AVL9: variants seen among roughly 807,000 people sequenced by gnomAD.
AVL9 encodes late secretory pathway protein AVL9 homolog.
A neutral mutation model predicts 79.2 loss-of-function variants in AVL9; 49 were observed. That is an observed-to-expected ratio of 0.62 (90% confidence interval 0.49 to 0.79). AVL9 has a LOEUF of 0.79. Among genes scored for constraint, AVL9 ranks in the 30% least tolerant of loss-of-function variants. The pLI is 0.00. For missense variants in AVL9, 682 were observed against 776.8 expected, an observed-to-expected ratio of 0.88 and a Z score of 1.45; for synonymous variants, 299 against 280.6, an observed-to-expected ratio of 1.07 and a Z score of -0.65.
chr7:32,574,304 G>A (rs1460004374), intron 12 of AVL9, among the ~76,000 whole-genome samples: 1 of 151,934 alleles, frequency 6.6e-6, no homozygotes, highest in Non-Finnish European at 1.5e-5. Flanking sequence ...TTTAAAGTAG[G>A]TTTCGGGAGA....
intron 1 of AVL9, among the ~76,000 whole-genome samples, chr7:32,530,614 A>G (rs144867942): frequency 2.4e-3 from 369 of 152,324 alleles, no homozygotes; most frequent in African/African-American, 8.2e-3. Flanking sequence ...ACATAATTCT[A>G]TCAACCTAAA....
At chr7:32,565,505 G>A (rs988796546) in intron 10 of AVL9, among the ~76,000 whole-genome samples, 14 of 150,454 alleles carry the variant, frequency 9.3e-5, no homozygotes, top group Non-Finnish European at 1.8e-4. Flanking sequence ...GTTGCGATGA[G>A]TGGAGATCGT....
chr7:32,548,933 A>G lies in AVL9; in HGVS notation c.372+15A>G. 2.0e-6 allele frequency: 3 copies of G among 1,532,188 alleles called. No homozygotes were observed. Among genetic ancestry groups the G allele is most frequent in the Non-Finnish European group, 2.6e-6 (3 of 1,138,480 alleles). The allele number at this position is 1,532,188 out of a possible 1,614,324, so 94.9% of individuals were successfully genotyped here. On this transcript the variant is annotated intron_variant, in intron 4 of 15. Transcript: ENST00000318709. ...TAAGCAAGCTGGTAAGAGACGAAGT[A>G]ACTTGTTCATTATGTTAAACCTTCA...
At chr7:32,576,502 A>G (rs889877240) in intron 13 of AVL9, among the ~76,000 whole-genome samples, 1 of 152,126 alleles carries the variant, frequency 6.6e-6, no homozygotes, top group Non-Finnish European at 1.5e-5. Flanking sequence ...ATTAAAGTTA[A>G]TATCTGAAGC....
chr7:32,498,495 C>T (rs1007249656), intron 1 of AVL9, among the ~76,000 whole-genome samples: 1 of 152,096 alleles, frequency 6.6e-6, no homozygotes, highest in Non-Finnish European at 1.5e-5. Flanking sequence ...AGTGATCCAC[C>T]CGCCTTGGCC....
intron 12 of AVL9, among the ~76,000 whole-genome samples, chr7:32,573,871 A>G (rs1353896469): frequency 1.3e-5 from 2 of 152,242 alleles, no homozygotes; most frequent in Non-Finnish European, 2.9e-5. Flanking sequence ...CGTGTTGTAA[A>G]TGATTAAATC....
At chr7:32,523,494 G>C (rs907353658) in intron 1 of AVL9, among the ~76,000 whole-genome samples, 45 of 137,732 alleles carry the variant, frequency 3.3e-4, no homozygotes, top group African/African-American at 1.2e-3. Context: ...CATGTTAATA[G>C]AATTATAAAT....
intron 13 of AVL9, 109 bp downstream of exon 13, chr7:32,576,181 C>A (rs1326220447): frequency 1.2e-5 from 9 of 740,226 alleles, no homozygotes; most frequent in East Asian, 2.7e-5. Flanking sequence ...CTCAAGAATC[C>A]CCTTAAGTAG....
chr7:32,531,988 T>C (rs1788679562), intron 1 of AVL9: 1 of 152,274 alleles, frequency 6.6e-6, no homozygotes, highest in African/African-American at 2.4e-5. Flanking sequence ...CCGCCTTTTG[T>C]ATCCACACTC....
At chr7:32,498,750 C>T (rs546289676) in intron 1 of AVL9, among the ~76,000 whole-genome samples, 2 of 151,310 alleles carry the variant, frequency 1.3e-5, no homozygotes, top group South Asian at 4.2e-4. Context: ...TTGAGTTCTA[C>T]CATAACATTT....
At chr7:32,564,262 T>A (rs1319312583) in intron 10 of AVL9, among the ~76,000 whole-genome samples, 1 of 152,240 alleles carries the variant, frequency 6.6e-6, no homozygotes, top group African/African-American at 2.4e-5. Context: ...AATATTTGTC[T>A]TTTTGGTTTT....
rs545967343 is a variant in AVL9 at position 32,506,977 on chromosome 7, C to CA, written c.93+11183dup. ...GCAAAAATCCTTAACTAGATAGTTG[C>CA]AAAAAAAATCCAGTAATATATAAAA... On this transcript the variant is annotated intron_variant, in intron 1 of 15. Coordinates refer to ENST00000318709, the MANE Select transcript of AVL9 (RefSeq NM_015060.3). Among the ~76,000 whole-genome samples, 540 of 151,448 alleles carry CA rather than the reference C, an allele frequency of 3.6e-3. 2 individuals are homozygous for CA. The highest frequency in any genetic ancestry group is 0.013 in the African/African-American group (517 of 41,280).
At chr7:32,583,461 G>T (rs2128158666) in intron 15 of AVL9, among the ~76,000 whole-genome samples, 1 of 152,294 alleles carries the variant, frequency 6.6e-6, no homozygotes, top group East Asian at 1.9e-4. Context: ...ACTTTGGGAG[G>T]CTGAGGCAGG....
chr7:32,546,069 C>CTTTTTTTTTTTTT (rs57046702), intron 3 of AVL9, among the ~76,000 whole-genome samples: 67 of 99,000 alleles, frequency 6.8e-4, no homozygotes, highest in African/African-American at 2.0e-3. Context: ...TACCTGGAGA[C>CTTTTTTTTTTTTT]TTTTTTTTTT....
At chr7:32,568,205 A>ATTT (rs66792161) in intron 10 of AVL9, among the ~76,000 whole-genome samples, 32 of 143,758 alleles carry the variant, frequency 2.2e-4, no homozygotes, top group African/African-American at 3.9e-4. Flanking sequence ...TTATTTATTT[A>ATTT]TTTTTTTTTT....
chr7:32,538,151 T>C (rs1370898949), intron 1 of AVL9: 1 of 152,222 alleles, frequency 6.6e-6, no homozygotes, highest in Non-Finnish European at 1.5e-5. Flanking sequence ...ATTCGGAGAA[T>C]ATGTTAAGCA....
Position 32,520,974 on chromosome 7 carries a change from G to A in AVL9, c.94-22167G>A, listed in dbSNP as rs572942316. On this transcript the variant is annotated intron_variant, in intron 1 of 15. Transcript: ENST00000318709. ...TGAATAAGTCACACGAGATCTGATG[G>A]GTTTATCAAGGGTTTCTGCTTTTGC... 2.0e-5 allele frequency among the ~76,000 whole-genome samples: 3 copies of A among 152,080 alleles called. No homozygotes were observed. In the East Asian group the frequency reaches 5.8e-4, roughly 29 times the overall value.
At chr7:32,516,766 T>TTA (rs1554334918) in intron 1 of AVL9, among the ~76,000 whole-genome samples, 28 of 134,378 alleles carry the variant, frequency 2.1e-4, no homozygotes, top group Non-Finnish European at 1.5e-4. Flanking sequence ...CCTAGGCCTT[T>TTA]AAAAAAAAAA....
chr7:32,576,356 T>C (rs749852881), intron 13 of AVL9, among the ~76,000 whole-genome samples: 3 of 152,214 alleles, frequency 2.0e-5, no homozygotes, highest in Non-Finnish European at 2.9e-5. Flanking sequence ...CAGTACACAA[T>C]GATTCTTCTC....
Sources: gnomAD v4.1 joint callset for allele counts (sites outside exome capture counted in the v4.1 genomes callset) on GRCh38, gnomAD v4.1.1 for gene constraint, MANE v1.5 for transcripts, NCBI Gene and HGNC (gene_info 2026-07-23, HGNC 2026-07-21) for gene names.